The following PCDH11X variants were observed in gnomAD, a reference collection of about 807,000 sequenced individuals.
PCDH11X encodes protocadherin-11 X-linked.
PCDH11X carries 18 observed loss-of-function variants against 53.3 expected under a neutral mutation model. That is an observed-to-expected ratio of 0.34 (90% CI 0.23 to 0.50). PCDH11X has a LOEUF of 0.50. Among genes scored for constraint, PCDH11X ranks in the 20% least tolerant of loss-of-function variants. The pLI is 0.98. For synonymous variants in PCDH11X, 279 were observed against 393.3 expected (o/e 0.71, Z 3.44); for missense variants, 570 against 1,032.4 (o/e 0.55, Z 6.14).
At chrX:92,346,106 A>C (rs1331076856) in intron 8 of PCDH11X, among the ~76,000 whole-genome samples, 1 of 110,846 alleles carries the variant, frequency 9.0e-6, no homozygotes, top group African/African-American at 3.3e-5. Context: ...CATGTACATT[A>C]ACGACTGCCA....
chrX:92,138,334 T>C (rs1200208666), intron 6 of PCDH11X, among the ~76,000 whole-genome samples: 5 of 111,146 alleles, frequency 4.5e-5, no homozygotes, highest in Non-Finnish European at 7.5e-5. Context: ...AAAGGCTTTT[T>C]TTAATGGTAT....
intron 7 of PCDH11X, among the ~76,000 whole-genome samples, chrX:92,217,618 C>G (rs2066750697): frequency 1.0e-5 from 1 of 99,667 alleles, no homozygotes; most frequent in African/African-American, 3.7e-5. Flanking sequence ...GCTTTAACAC[C>G]CCACTGTCAA....
intron 10 of PCDH11X, among the ~76,000 whole-genome samples, chrX:92,578,556 A>G (rs1314564833): frequency 9.4e-6 from 1 of 106,637 alleles, no homozygotes; most frequent in Non-Finnish European, 1.9e-5. Context: ...TTTTTCAGAA[A>G]CTAGGATTGC....
intron 6 of PCDH11X, among the ~76,000 whole-genome samples, chrX:92,174,195 C>G (rs1239344341): frequency 1.9e-5 from 2 of 106,071 alleles, no homozygotes; most frequent in African/African-American, 6.9e-5. Flanking sequence ...ACAGAAGACT[C>G]TAGACAGTAT....
At chrX:91,961,530 C>T (rs1569278415) in intron 6 of PCDH11X, among the ~76,000 whole-genome samples, 1 of 110,035 alleles carries the variant, frequency 9.1e-6, no homozygotes, top group Non-Finnish European at 1.9e-5. Context: ...TGGAAGATGA[C>T]ATAATCTTAT....
intron 6 of PCDH11X, among the ~76,000 whole-genome samples, chrX:91,890,372 T>C (rs1304343076): frequency 9.9e-5 from 11 of 111,471 alleles, no homozygotes; most frequent in Non-Finnish European, 1.7e-4. Context: ...TCATCCCATA[T>C]ATAATCTTTC....
chrX:92,057,066 A>T (rs755542419), intron 6 of PCDH11X, among the ~76,000 whole-genome samples: 39 of 110,402 alleles, frequency 3.5e-4, no homozygotes, highest in African/African-American at 1.2e-3. Context: ...ACAAAAAACA[A>T]CAAAGCAGAC....
intron 8 of PCDH11X, among the ~76,000 whole-genome samples, chrX:92,366,071 T>A (rs767708911): frequency 9.1e-6 from 1 of 109,795 alleles, no homozygotes; most frequent in South Asian, 4.0e-4. Context: ...GTGGTTCCTT[T>A]TTGTACCTCT....
chrX:92,119,121 T>C (rs1485414369), intron 6 of PCDH11X, among the ~76,000 whole-genome samples: 3 of 109,999 alleles, frequency 2.7e-5, no homozygotes, highest in Non-Finnish European at 5.7e-5. Flanking sequence ...TATTTGGTTT[T>C]TTTTGAGACA....
At chrX:92,457,358 A>C (rs1355677688) in intron 9 of PCDH11X, among the ~76,000 whole-genome samples, 3 of 106,213 alleles carry the variant, frequency 2.8e-5, no homozygotes, top group Non-Finnish European at 3.9e-5. Flanking sequence ...AGTCCCAATA[A>C]GATATATATT....
intron 6 of PCDH11X, among the ~76,000 whole-genome samples, chrX:91,957,725 C>T (rs944400258): frequency 9.1e-6 from 1 of 109,524 alleles, no homozygotes; most frequent in Non-Finnish European, 1.9e-5. Context: ...GTTGGCAGGT[C>T]TTACCCAGTC....
intron 6 of PCDH11X, among the ~76,000 whole-genome samples, chrX:91,907,786 C>A (rs1602472686): frequency 9.1e-6 from 1 of 110,075 alleles, no homozygotes; most frequent in African/African-American, 3.3e-5. Flanking sequence ...CTCTTCCCAC[C>A]CTCCACCCTC....
At chrX:92,204,357 T>A (rs775925623) in intron 7 of PCDH11X, among the ~76,000 whole-genome samples, 18 of 112,043 alleles carry the variant, frequency 1.6e-4, no homozygotes, top group Non-Finnish European at 3.0e-4. Context: ...CACTTAGAAA[T>A]TTCTTCTGCC....
intron 6 of PCDH11X, among the ~76,000 whole-genome samples, chrX:92,191,346 T>C (rs752143029): frequency 8.9e-6 from 1 of 112,376 alleles, no homozygotes; most frequent in African/African-American, 3.2e-5. Flanking sequence ...TGTTCTCTGT[T>C]CGTCCTTTTG....
intron 6 of PCDH11X, among the ~76,000 whole-genome samples, chrX:91,938,995 A>G (rs1198132121): frequency 1.8e-5 from 2 of 111,513 alleles, no homozygotes; most frequent in African/African-American, 3.3e-5. Context: ...TAGTGAACAT[A>G]CTAATAAGCA....
intron 10 of PCDH11X, among the ~76,000 whole-genome samples, chrX:92,564,806 G>C (rs1401079663): frequency 9.0e-6 from 1 of 110,843 alleles, no homozygotes; most frequent in Non-Finnish European, 1.9e-5. Flanking sequence ...GCACAGCAAA[G>C]GATACAATAA....
intron 10 of PCDH11X, among the ~76,000 whole-genome samples, chrX:92,561,866 A>G (rs1049976822): frequency 2.8e-5 from 3 of 106,036 alleles, no homozygotes; most frequent in African/African-American, 1.0e-4. Flanking sequence ...TAATAACCAC[A>G]CTCCCAAAGG....
intron 5 of PCDH11X, among the ~76,000 whole-genome samples, chrX:91,844,300 A>G (rs1269610066): frequency 9.1e-6 from 1 of 110,236 alleles, no homozygotes; most frequent in African/African-American, 3.3e-5. Flanking sequence ...GACCTAGTTC[A>G]GTTTTTGTTT....
At chrX:92,208,536 T>TATATATATATATAC (rs1408059749) in intron 7 of PCDH11X, among the ~76,000 whole-genome samples, 11 of 80,069 alleles carry the variant, frequency 1.4e-4, no homozygotes, top group African/African-American at 5.0e-4. Context: ...TATATATATA[T>TATATATATATATAC]ACAATTTTTT....
Sources: gnomAD v4.1 joint callset for allele counts (sites outside exome capture counted in the v4.1 genomes callset) on GRCh38, gnomAD v4.1.1 for gene constraint, MANE v1.5 for transcripts, NCBI Gene and HGNC (gene_info 2026-07-23, HGNC 2026-07-21) for gene names.